Variants in CCDC91 observed in about 807,000 individuals in gnomAD.
The protein encoded by CCDC91 is coiled-coil domain-containing protein 91.
In CCDC91, 48 loss-of-function variants were observed where a neutral mutation model predicts 63.2. The ratio of observed to expected loss-of-function variants is 0.76; its 90% CI spans 0.60 to 0.97. The LOEUF is 0.97. Among genes scored for constraint, CCDC91 ranks in the 50% least tolerant of loss-of-function variants. The pLI is 0.00. For missense variants in CCDC91, 500 were observed against 494.6 expected (o/e 1.01, Z -0.10); for synonymous variants, 167 against 165.8 (o/e 1.01, Z -0.06).
intron 8 of CCDC91, among the ~76,000 whole-genome samples, chr12:28,414,533 G>A (rs1947520932): frequency 6.6e-6 from 1 of 152,082 alleles, no homozygotes; most frequent in Non-Finnish European, 1.5e-5. Context: ...CATACTTTAT[G>A]TCTAGGTTTA....
intron 12 of CCDC91, among the ~76,000 whole-genome samples, chr12:28,519,843 GT>G (rs1161687271): frequency 6.6e-6 from 1 of 151,288 alleles, no homozygotes; most frequent in African/African-American, 2.4e-5. Flanking sequence ...CCTTGCGATA[GT>G]TTGCTGAGAA....
chr12:28,473,786 C>A (rs1429245761), intron 11 of CCDC91, among the ~76,000 whole-genome samples: 2 of 152,120 alleles, frequency 1.3e-5, no homozygotes, highest in African/African-American at 4.8e-5. Context: ...CCGTCAATCT[C>A]ATCAAGCCCC....
intron 6 of CCDC91, among the ~76,000 whole-genome samples, chr12:28,356,995 T>C (rs534099514): frequency 2.7e-4 from 41 of 152,310 alleles, no homozygotes; most frequent in Admixed American, 1.6e-3. Context: ...CCTGTTGCTA[T>C]GCATGAATTA....
At chr12:28,193,190 T>C (rs959502156) in intron 1 of CCDC91, among the ~76,000 whole-genome samples, 2 of 152,252 alleles carry the variant, frequency 1.3e-5, no homozygotes, top group African/African-American at 2.4e-5. Flanking sequence ...TAAACATTCA[T>C]GTGCTGTTCT....
At chr12:28,488,240 A>G (rs1259028654) in intron 12 of CCDC91, among the ~76,000 whole-genome samples, 1 of 151,818 alleles carries the variant, frequency 6.6e-6, no homozygotes, top group Non-Finnish European at 1.5e-5. Context: ...AAAAATACCT[A>G]GTATTCGTCT....
chr12:28,271,266 C>T (rs372541572), intron 3 of CCDC91, among the ~76,000 whole-genome samples: 2 of 152,076 alleles, frequency 1.3e-5, no homozygotes, highest in East Asian at 3.8e-4. Flanking sequence ...TGTAGATACA[C>T]TGTCAATTTT....
At chr12:28,267,848 TATAGTAATATATAATTATATATAATTATA>T (rs1185148668) in intron 3 of CCDC91, among the ~76,000 whole-genome samples, 4 of 15,056 alleles carry the variant, frequency 2.7e-4, no homozygotes, top group African/African-American at 3.4e-4. Context: ...TATATAATTA[TATAGTAATATATAATTATATATAATTATA>T]TATAATTATT....
intron 6 of CCDC91, among the ~76,000 whole-genome samples, chr12:28,336,883 A>G (rs1942022657): frequency 6.6e-6 from 1 of 152,060 alleles, no homozygotes; most frequent in Non-Finnish European, 1.5e-5. Context: ...AACTATTCAA[A>G]CTTTATATAT....
chr12:28,513,577 CCCAA>C (rs1939609239), intron 12 of CCDC91, among the ~76,000 whole-genome samples: 6 of 151,956 alleles, frequency 3.9e-5, no homozygotes, highest in Admixed American at 3.9e-4. Context: ...CACTTCTGGT[CCCAA>C]GAGGGATACT....
intron 1 of CCDC91, chr12:28,198,853 A>G (rs1173669794): frequency 6.7e-6 from 1 of 150,136 alleles, no homozygotes; most frequent in East Asian, 1.9e-4. Context: ...TTACTACATT[A>G]TTGCTTTCTC....
chr12:28,262,801 C>T (rs1466719383), intron 3 of CCDC91, among the ~76,000 whole-genome samples: 4 of 151,914 alleles, frequency 2.6e-5, no homozygotes, highest in African/African-American at 7.3e-5. Context: ...AATGTAAATA[C>T]GAGATGAATG....
At chr12:28,297,296 G>GA (rs1401649833) in intron 3 of CCDC91, among the ~76,000 whole-genome samples, 1 of 151,558 alleles carries the variant, frequency 6.6e-6, no homozygotes, top group African/African-American at 2.4e-5. Flanking sequence ...GAATTACTGG[G>GA]AAAAAAAATT....
At chr12:28,227,054 G>A (rs1944313641) in intron 1 of CCDC91, among the ~76,000 whole-genome samples, 1 of 152,086 alleles carries the variant, frequency 6.6e-6, no homozygotes, top group African/African-American at 2.4e-5. Flanking sequence ...GAGGTGAAGT[G>A]CCATTTTTAT....
At chr12:28,295,521 ATAAT>A (rs962156409) in intron 3 of CCDC91, among the ~76,000 whole-genome samples, 8 of 152,044 alleles carry the variant, frequency 5.3e-5, no homozygotes, top group Non-Finnish European at 1.2e-4. Context: ...ACTTTAGATA[ATAAT>A]TTATTTATTT....
intron 12 of CCDC91, among the ~76,000 whole-genome samples, chr12:28,492,578 A>G (rs2141013561): frequency 6.6e-6 from 1 of 151,476 alleles, no homozygotes; most frequent in South Asian, 2.1e-4. Flanking sequence ...ATTTCACTTT[A>G]CTATCTAGGA....
At chr12:28,309,911 C>T (rs191062969) in intron 6 of CCDC91, among the ~76,000 whole-genome samples, 248 of 151,906 alleles carry the variant, frequency 1.6e-3, no homozygotes, top group African/African-American at 3.6e-3. Flanking sequence ...TTTTCCATAC[C>T]GCTTATTCCT....
intron 6 of CCDC91, among the ~76,000 whole-genome samples, chr12:28,361,499 C>T (rs1450412650): frequency 6.6e-6 from 1 of 151,948 alleles, no homozygotes; most frequent in Non-Finnish European, 1.5e-5. Flanking sequence ...CTTTGGCTTC[C>T]TCTGTCCTAT....
chr12:28,259,458 A>C lies in CCDC91; in HGVS notation c.109+16A>C. ...TTTCCTGCAGGTATTGGTATCCAGG[A>C]ATTAGGGTTTTTTTTTTTTTTTTTC... On this transcript the variant is annotated intron_variant, in intron 3 of 12. Coordinates refer to ENST00000536442, the MANE Select transcript of CCDC91 (RefSeq NM_018318.5). 8 of 1,447,248 alleles carry C rather than the reference A, an allele frequency of 5.5e-6. No individual in the cohort carries two copies. Among genetic ancestry groups the C allele is most frequent in the Non-Finnish European group, 7.6e-6 (8 of 1,047,462 alleles). 89.7% of individuals were successfully genotyped at this position (1,447,248 alleles called of 1,614,324 possible).
chr12:28,374,193 G>T (rs1328232553), intron 7 of CCDC91, among the ~76,000 whole-genome samples: 2 of 151,900 alleles, frequency 1.3e-5, no homozygotes, highest in East Asian at 3.9e-4. Flanking sequence ...AATTAAAATA[G>T]TGGTTACTCT....
Sources: gnomAD v4.1 joint callset for allele counts (sites outside exome capture counted in the v4.1 genomes callset) on GRCh38, gnomAD v4.1.1 for gene constraint, MANE v1.5 for transcripts, NCBI Gene and HGNC (gene_info 2026-07-23, HGNC 2026-07-21) for gene names.